The following ZFAND3 variants were observed in gnomAD, a reference collection of about 807,000 sequenced individuals.
ZFAND3 encodes the protein AN1-type zinc finger protein 3.
In ZFAND3, 10 loss-of-function variants were observed where a neutral mutation model predicts 29.6. The observed-to-expected ratio is 0.34, with a 90% CI of 0.21 to 0.57. The LOEUF (loss-of-function observed/expected upper bound fraction) is 0.57, where lower values mean the gene tolerates loss of function less well. ZFAND3 is among the 20% of genes least tolerant of loss of function. The pLI is 0.86. For synonymous variants in ZFAND3, 128 were observed against 112.6 expected, an observed-to-expected ratio of 1.14 and a Z score of -0.87; for missense variants, 230 against 304.5, an observed-to-expected ratio of 0.76 and a Z score of 1.82.
intron 4 of ZFAND3, among the ~76,000 whole-genome samples, chr6:38,107,063 A>T (rs1000488388): frequency 1.3e-5 from 2 of 152,130 alleles, no homozygotes; most frequent in African/African-American, 4.8e-5. Flanking sequence ...CTATGAAGAG[A>T]TGTCTTACAG....
At chr6:37,965,587 T>A (rs1762279485) in intron 2 of ZFAND3, among the ~76,000 whole-genome samples, 1 of 151,068 alleles carries the variant, frequency 6.6e-6, no homozygotes, top group Non-Finnish European at 1.5e-5. Context: ...TTTTTTCCTT[T>A]GAGTTGTGCT....
At chr6:37,940,478 G>C (rs903356688) in intron 2 of ZFAND3, among the ~76,000 whole-genome samples, 13 of 152,150 alleles carry the variant, frequency 8.5e-5, no homozygotes, top group African/African-American at 2.9e-4. Flanking sequence ...CCCTTTAAAA[G>C]CTTCAGTGCT....
At chr6:37,891,981 G>A (rs1444486947) in intron 1 of ZFAND3, among the ~76,000 whole-genome samples, 6 of 152,050 alleles carry the variant, frequency 3.9e-5, no homozygotes, top group East Asian at 3.9e-4. Flanking sequence ...CACTCGCCTC[G>A]CCCTCCCAAA....
At chr6:38,056,852 G>GT (rs1394966993) in intron 2 of ZFAND3, among the ~76,000 whole-genome samples, 1 of 152,146 alleles carries the variant, frequency 6.6e-6, no homozygotes, top group African/African-American at 2.4e-5. Flanking sequence ...TGATAATAAG[G>GT]TAAGTTGCCA....
intron 4 of ZFAND3, among the ~76,000 whole-genome samples, chr6:38,094,492 C>T (rs377423380): frequency 1.3e-5 from 2 of 152,280 alleles, no homozygotes; most frequent in East Asian, 3.9e-4. Context: ...ACCAGTGTTT[C>T]TCTCTTGACA....
intron 1 of ZFAND3, among the ~76,000 whole-genome samples, chr6:37,923,458 A>T (rs1226229862): frequency 6.6e-6 from 1 of 152,170 alleles, no homozygotes; most frequent in African/African-American, 2.4e-5. Flanking sequence ...CTTCTTCTGG[A>T]TACCTCCTGA....
chr6:37,994,565 G>A (rs1196514688), intron 2 of ZFAND3, among the ~76,000 whole-genome samples: 3 of 152,160 alleles, frequency 2.0e-5, no homozygotes, highest in Non-Finnish European at 4.4e-5. Context: ...ATGCTTGGCA[G>A]GGTATAGGGT....
intron 4 of ZFAND3, among the ~76,000 whole-genome samples, chr6:38,112,429 C>T (rs112246331): frequency 3.5e-4 from 53 of 152,010 alleles, no homozygotes; most frequent in African/African-American, 1.2e-3. Flanking sequence ...TGCAAGGACT[C>T]GCTGCTTCTG....
intron 2 of ZFAND3, among the ~76,000 whole-genome samples, chr6:38,058,846 T>G (rs1318112102): frequency 6.6e-6 from 1 of 152,230 alleles, no homozygotes; most frequent in Non-Finnish European, 1.5e-5. Context: ...TCCTGATGAT[T>G]AACATAAATA....
chr6:38,013,737 A>G (rs1012920347), intron 2 of ZFAND3, among the ~76,000 whole-genome samples: 1 of 150,496 alleles, frequency 6.6e-6, no homozygotes, highest in Non-Finnish European at 1.5e-5. Flanking sequence ...TAAAAAAAAA[A>G]CAAAAAAAAC....
In ZFAND3 at chr6:38,106,681, T is replaced by TTGTG. The variant is rs71677053; in HGVS notation, c.362-9875_362-9872dup. Among the ~76,000 whole-genome samples, 36 of 150,904 alleles carry TTGTG rather than the reference T, an allele frequency of 2.4e-4. 1 individual carries two copies. The highest frequency in any genetic ancestry group is 6.8e-3 in the Middle Eastern group (2 of 292). On this transcript the variant is annotated intron_variant, in intron 4 of 5. Coordinates refer to ENST00000287218, the MANE Select transcript of ZFAND3 (RefSeq NM_021943.3). The stretch of plus-strand genomic sequence containing the variant: ...TACCACTTAGTATGGCGCTAGTTGT[T>TTGTG]TGTGTGTGTGTGTGTGTGTATATGT...
At chr6:37,929,139 G>C (rs180739361) in intron 1 of ZFAND3, among the ~76,000 whole-genome samples, 116 of 152,250 alleles carry the variant, frequency 7.6e-4, no homozygotes, top group African/African-American at 2.6e-3. Flanking sequence ...CATTGCCCTG[G>C]TCTCACTGCA....
At chr6:37,970,917 CCAAACAAACAAACAAA>C (rs201703751) in intron 2 of ZFAND3, among the ~76,000 whole-genome samples, 1 of 128,690 alleles carries the variant, frequency 7.8e-6, no homozygotes, top group Non-Finnish European at 1.8e-5. Flanking sequence ...AACAAACAAA[CCAAACAAACAAACAAA>C]CAAACAAAAC....
intron 2 of ZFAND3, among the ~76,000 whole-genome samples, chr6:38,053,034 GAAAAAAA>G (rs532652816): frequency 1.9e-5 from 2 of 103,100 alleles, no homozygotes; most frequent in African/African-American, 3.7e-5. Flanking sequence ...ACTCCATTTC[GAAAAAAA>G]AAAAAAAGAA....
At chr6:37,958,022 T>A (rs1037422631) in intron 2 of ZFAND3, among the ~76,000 whole-genome samples, 3 of 152,170 alleles carry the variant, frequency 2.0e-5, no homozygotes, top group Admixed American at 6.5e-5. Flanking sequence ...AAATTTGGAT[T>A]TTTTTTTCTT....
At chr6:37,915,201 C>G (rs1323037389) in intron 1 of ZFAND3, among the ~76,000 whole-genome samples, 1 of 152,084 alleles carries the variant, frequency 6.6e-6, no homozygotes, top group Admixed American at 6.5e-5. Flanking sequence ...CTTCTCTCAG[C>G]CTTTATAGAA....
intron 1 of ZFAND3, among the ~76,000 whole-genome samples, chr6:37,877,078 G>C (rs1436936735): frequency 6.6e-6 from 1 of 152,122 alleles, no homozygotes; most frequent in Non-Finnish European, 1.5e-5. Flanking sequence ...GGAGGGTTTT[G>C]TATAGGTCTT....
At chr6:37,911,981 G>GCC (rs1765528987) in intron 1 of ZFAND3, among the ~76,000 whole-genome samples, 3 of 151,572 alleles carry the variant, frequency 2.0e-5, no homozygotes, top group Non-Finnish European at 1.5e-5. Flanking sequence ...ATCTTAGGGT[G>GCC]CCTAATGTAG....
chr6:37,917,612 G>C (rs1761283838), intron 1 of ZFAND3, among the ~76,000 whole-genome samples: 1 of 152,212 alleles, frequency 6.6e-6, no homozygotes, highest in South Asian at 2.1e-4. Context: ...GTTATAACCA[G>C]ATAATTTTCT....
Sources: gnomAD v4.1 joint callset for allele counts (sites outside exome capture counted in the v4.1 genomes callset) on GRCh38, gnomAD v4.1.1 for gene constraint, MANE v1.5 for transcripts, NCBI Gene and HGNC (gene_info 2026-07-23, HGNC 2026-07-21) for gene names.